Variants in CWH43 observed in about 807,000 individuals in gnomAD.
CWH43 encodes the protein PGAP2-interacting protein.
Under a neutral mutation model 85.7 loss-of-function variants are expected in CWH43, and 91 were observed. The ratio of observed to expected loss-of-function variants is 1.06; its 90% CI spans 0.90 to 1.26. The LOEUF is 1.26. Ranked by LOEUF, CWH43 falls within the 50% of genes most tolerant of loss-of-function variation. The probability of loss-of-function intolerance (pLI) is 0.00; values close to 1 mark genes in which losing one functional copy is unlikely to be tolerated. For synonymous variants in CWH43, 323 were observed against 293.6 expected (o/e 1.10, Z -1.02); for missense variants, 869 against 839.2 (o/e 1.04, Z -0.44).
chr4:49,060,109 G>A (rs1489238176), intron 15 of CWH43, among the ~76,000 whole-genome samples: 4 of 152,062 alleles, frequency 2.6e-5, no homozygotes, highest in African/African-American at 7.2e-5. Context: ...GGTTCACAGG[G>A]CCAGTCTAGA....
At chr4:48,990,160 A>G (rs1193823900) in intron 2 of CWH43, among the ~76,000 whole-genome samples, 1 of 152,208 alleles carries the variant, frequency 6.6e-6, no homozygotes, top group Non-Finnish European at 1.5e-5. Flanking sequence ...GGGATGTGAT[A>G]TAAAATAAGT....
chr4:49,025,166 G>T (rs1160891835), intron 9 of CWH43, among the ~76,000 whole-genome samples: 2 of 151,408 alleles, frequency 1.3e-5, no homozygotes, highest in African/African-American at 4.9e-5. Flanking sequence ...AGTGCATTTT[G>T]CCCTTCTCTA....
intron 4 of CWH43, among the ~76,000 whole-genome samples, chr4:48,993,019 C>T (rs1364932812): frequency 3.3e-5 from 5 of 152,202 alleles, no homozygotes; most frequent in Admixed American, 6.5e-5. Context: ...TTTGCCGGTA[C>T]AGCCTGATAA....
intron 8 of CWH43, among the ~76,000 whole-genome samples, chr4:49,010,416 C>A (rs900724274): frequency 3.3e-5 from 5 of 151,988 alleles, no homozygotes; most frequent in African/African-American, 4.8e-5. Context: ...TTAATCTTTT[C>A]AAAAAACCAC....
rs1274245602 is a variant in CWH43, at chr4:48,986,869, A to G, written c.43+397A>G. On this transcript the variant is annotated intron_variant, in intron 1 of 15. Transcript: ENST00000226432. Reference sequence around the variant, plus strand: ...GCTGAACTTTAAAATTCAGAAGGAAAGGGGCACCCGTTTTCCCCAGGAGCT... The same window carrying G: ...GCTGAACTTTAAAATTCAGAAGGAAGGGGGCACCCGTTTTCCCCAGGAGCT... 4.2e-6 allele frequency: 4 copies of G among 957,760 alleles called. No individual in the cohort carries two copies. The South Asian group carries it at 1.4e-4, about 35-fold the overall frequency. The allele number at this position is 957,760 out of a possible 1,614,324, so 59.3% of individuals were successfully genotyped here.
chr4:49,003,617 C>T (rs1205026037), intron 6 of CWH43, 118 bp from the exon 7 acceptor site: 4 of 945,050 alleles, frequency 4.2e-6, no homozygotes, highest in East Asian at 2.4e-5. Context: ...GTTTTCTCAT[C>T]TGTCTGGAGA....
chr4:49,055,368 G>T (rs920947552), intron 15 of CWH43, among the ~76,000 whole-genome samples: 1 of 152,056 alleles, frequency 6.6e-6, no homozygotes, highest in African/African-American at 2.4e-5. Context: ...CTTGATCAGG[G>T]TGTATGATCC....
chr4:48,986,749 G>A, intron 1 of CWH43: 5 of 1,295,868 alleles, frequency 3.9e-6, no homozygotes, highest in Non-Finnish European at 4.9e-6. Flanking sequence ...CAAGGAGCGC[G>A]AATTCTCCTC....
chr4:49,040,014 C>T (rs912797988), intron 13 of CWH43, among the ~76,000 whole-genome samples: 38 of 152,036 alleles, frequency 2.5e-4, no homozygotes, highest in African/African-American at 7.0e-4. Context: ...TTTCTCCTTG[C>T]GATAGTTTGC....
At chr4:49,044,443 C>A (rs1784559993) in intron 13 of CWH43, among the ~76,000 whole-genome samples, 1 of 152,088 alleles carries the variant, frequency 6.6e-6, no homozygotes, top group Non-Finnish European at 1.5e-5. Context: ...ACAGGATGAC[C>A]AATGAAGGTG....
intron 8 of CWH43, among the ~76,000 whole-genome samples, chr4:49,009,866 G>A (rs1560493407): frequency 1.3e-5 from 2 of 152,114 alleles, no homozygotes; most frequent in South Asian, 4.2e-4. Context: ...TGTGCTGCTG[G>A]ATTTGGTTTG....
Position 49,031,854 on chromosome 4 carries a change from C to T in CWH43, c.1509-712C>T, listed in dbSNP as rs368769319. 1.4e-3 allele frequency among the ~76,000 whole-genome samples: 218 copies of T among 152,254 alleles called. 8 individuals are homozygous for T. The South Asian group carries it at 0.041, about 29-fold the overall frequency. On this transcript the variant is annotated intron_variant, in intron 11 of 15. Coordinates refer to ENST00000226432, the MANE Select transcript of CWH43 (RefSeq NM_025087.3). Reference sequence around the variant, plus strand: ...TGTCTAGGTTTTTGACCTGAGTACCCGCTAAGAGATGATACCCTTTAATGG... The same window carrying T: ...TGTCTAGGTTTTTGACCTGAGTACCTGCTAAGAGATGATACCCTTTAATGG...
intron 8 of CWH43, among the ~76,000 whole-genome samples, chr4:49,015,757 A>G (rs1783524091): frequency 6.6e-6 from 1 of 152,026 alleles, no homozygotes. Flanking sequence ...TGCCCCTTGA[A>G]CTAACTCTCT....
At chr4:49,039,337 A>ATATATATATATTATATATATATATAC (rs1784375156) in intron 13 of CWH43, among the ~76,000 whole-genome samples, 2 of 10,486 alleles carry the variant, frequency 1.9e-4, no homozygotes, top group Non-Finnish European at 5.1e-4. Flanking sequence ...ATATATACTG[A>ATATATATATATTATATATATATATAC]TGTATATATA....
intron 8 of CWH43, 21 bp downstream of exon 8, chr4:49,007,347 T>C (rs777939824): frequency 6.6e-7 from 1 of 1,516,080 alleles, no homozygotes; most frequent in Non-Finnish European, 8.8e-7. Flanking sequence ...TTTTACATTC[T>C]TAAAAAAAAT....
chr4:49,021,914 C>T (rs1783761170), intron 9 of CWH43, among the ~76,000 whole-genome samples: 1 of 152,056 alleles, frequency 6.6e-6, no homozygotes, highest in South Asian at 2.1e-4. Flanking sequence ...TATCTTGAAA[C>T]TTTGCTGAAT....
At chr4:49,017,452 T>A in intron 9 of CWH43, 124 bp downstream of exon 9, 2 of 623,868 alleles carry the variant, frequency 3.2e-6, no homozygotes, top group Non-Finnish European at 5.5e-6. Flanking sequence ...CCTATCTCCT[T>A]AACCCTTATG....
Position 49,059,884 on chromosome 4 carries a change from G to A in CWH43, c.2022-1928G>A, listed in dbSNP as rs569143891. On this transcript the variant is annotated intron_variant, in intron 15 of 15. Transcript: ENST00000226432. ...AGGCCTTCAGCCTGAGTCTGCAGGA[G>A]CCACCCTGGTGCTGGAATGAACCTG... Among the ~76,000 whole-genome samples the A allele has an allele frequency of 8.5e-5, 13 of 152,252 alleles. No homozygotes were observed. In the South Asian group the frequency reaches 2.5e-3, roughly 29 times the overall value.
Position 48,991,946 on chromosome 4 carries a change from A to C in CWH43, c.367A>C (p.Ile123Leu). ...SGSHLQRYLRIWGFILGQIVL... is the reference protein window; with the variant it reads ...SGSHLQRYLRLWGFILGQIVL... The stretch of plus-strand genomic sequence containing the variant: ...CTTTTGCACTTACAGGTACCTCAGA[A>C]TTTGGGGATTCATTTTAGGACAGAT... Residue 123 changes from isoleucine to leucine, a missense_variant, in exon 4 of 16, where the codon ATT becomes CTT. By Grantham distance (5) the Ile-to-Leu change is conservative. Around this residue, in one of 3 missense-constraint regions of CWH43, gnomAD observed 152 missense variants for 203.6 expected, o/e 0.75. Transcript: ENST00000226432. The C allele has an allele frequency of 1.9e-6, 3 of 1,612,424 alleles. No homozygotes were observed. The highest frequency in any genetic ancestry group is 2.5e-6 in the Non-Finnish European group (3 of 1,178,816).
Sources: gnomAD v4.1 joint callset for allele counts (sites outside exome capture counted in the v4.1 genomes callset) on GRCh38, gnomAD v4.1.1 for gene constraint, gnomAD v4.1.1 regional missense constraint, MANE v1.5 for transcripts, NCBI Gene and HGNC (gene_info 2026-07-23, HGNC 2026-07-21) for gene names.